The following KCTD10 variants were observed in gnomAD, a reference collection of about 807,000 sequenced individuals.
KCTD10 encodes BTB/POZ domain-containing adapter for CUL3-mediated RhoA degradation protein 3.
Under a neutral mutation model 34.6 loss-of-function variants are expected in KCTD10, and 13 were observed. That is an observed-to-expected ratio of 0.38 (90% CI 0.24 to 0.60). The LOEUF is 0.60. KCTD10 is among the 20% of genes least tolerant of loss of function. KCTD10 has a pLI of 0.66. For missense variants in KCTD10, 256 were observed against 420.3 expected, an observed-to-expected ratio of 0.61 and a Z score of 3.42; for synonymous variants, 156 against 168.8, an observed-to-expected ratio of 0.92 and a Z score of 0.59.
chr12:109,458,228 G>C (rs1323060584), intron 3 of KCTD10, 150 bp from the exon 4 acceptor site: 1 of 617,116 alleles, frequency 1.6e-6, no homozygotes, highest in Non-Finnish European at 2.9e-6. Context: ...ACTAGATGGG[G>C]GAAGACAGGG....
intron 2 of KCTD10, among the ~76,000 whole-genome samples, chr12:109,468,209 C>T (rs1356561772): frequency 6.6e-6 from 1 of 152,168 alleles, no homozygotes; most frequent in Non-Finnish European, 1.5e-5. Context: ...CCGGAGTTCA[C>T]AGGAAGCAGA....
chr12:109,457,818 G>A (rs1257508312), intron 4 of KCTD10, 136 bp from the exon 5 acceptor site: 2 of 1,079,080 alleles, frequency 1.9e-6, no homozygotes, highest in Non-Finnish European at 2.8e-6. Context: ...CTGGAGAGGG[G>A]GACCACATGA....
chr12:109,474,514 G>A (rs1238802788), intron 1 of KCTD10, among the ~76,000 whole-genome samples: 2 of 152,084 alleles, frequency 1.3e-5, no homozygotes, highest in Non-Finnish European at 2.9e-5. Flanking sequence ...TGAAAATTCT[G>A]ATGTAATTGG....
At chr12:109,474,043 A>G (rs1874026073) in intron 1 of KCTD10, among the ~76,000 whole-genome samples, 1 of 151,992 alleles carries the variant, frequency 6.6e-6, no homozygotes, top group Non-Finnish European at 1.5e-5. Flanking sequence ...GGCATCCCAA[A>G]GTGCTCGGAT....
intron 2 of KCTD10, among the ~76,000 whole-genome samples, chr12:109,467,417 C>T (rs61941585): frequency 0.13 from 19,264 of 152,016 alleles, 1,497 homozygotes; most frequent in Non-Finnish European, 0.18. Flanking sequence ...CCCAGGAGTT[C>T]GAGGCCAGCC....
At chr12:109,472,050 T>A (rs183235402) in intron 1 of KCTD10, among the ~76,000 whole-genome samples, 1 of 152,202 alleles carries the variant, frequency 6.6e-6, no homozygotes, top group Admixed American at 6.5e-5. Context: ...AGGACATTAC[T>A]GTACACTACT....
intron 2 of KCTD10, among the ~76,000 whole-genome samples, chr12:109,461,410 C>T (rs950634501): frequency 1.3e-5 from 2 of 152,202 alleles, no homozygotes; most frequent in Non-Finnish European, 2.9e-5. Context: ...AGACAGACCC[C>T]ACCCTCAGGC....
At position 109,451,859 on chromosome 12, in the gene KCTD10, C is replaced by G; in HGVS notation, c.724-46G>C. 6.6e-7 allele frequency: 1 copy of G among 1,524,744 alleles called. No homozygotes were observed. The highest frequency in any genetic ancestry group is 1.9e-5 in the Admixed American group (1 of 53,006). The allele number at this position is 1,524,744 out of a possible 1,614,324, so 94.5% of individuals were successfully genotyped here. A position where few individuals can be genotyped will look rare whatever the true frequency, so the allele number is the denominator to read the frequency against. ...GGGCAGGTAAGTTATGGCCCACCCC[C>G]TCTGCCAACACCTGGACTTTAAGCA... On this transcript the variant is annotated intron_variant, in intron 6 of 6. Coordinates refer to ENST00000228495, the MANE Select transcript of KCTD10 (RefSeq NM_031954.5). This position sits in a 1 kb window ranked among gnomAD's most constrained non-coding sequence, Gnocchi z 5.0.
At chr12:109,458,197 A>G (rs12822891) in intron 3 of KCTD10, 119 bp from the exon 4 acceptor site, 119,942 of 708,472 alleles carry the variant, frequency 0.17, 10,462 homozygotes, top group African/African-American at 0.19. Context: ...GGGAAGAGAG[A>G]AGGATTCTCA....
At chr12:109,452,086 A>G (rs967999832) in intron 6 of KCTD10, among the ~76,000 whole-genome samples, 2 of 152,172 alleles carry the variant, frequency 1.3e-5, no homozygotes, top group Non-Finnish European at 2.9e-5. Flanking sequence ...CCTCTCAAAG[A>G]TTCTGTGCAT....
At chr12:109,468,051 C>A (rs372732204) in intron 2 of KCTD10, among the ~76,000 whole-genome samples, 1 of 152,166 alleles carries the variant, frequency 6.6e-6, no homozygotes, top group African/African-American at 2.4e-5. Flanking sequence ...CCTCCAGCAG[C>A]GGGGGTGCTA....
intron 6 of KCTD10, among the ~76,000 whole-genome samples, chr12:109,455,300 T>C (rs1012442300): frequency 3.3e-5 from 5 of 151,836 alleles, no homozygotes; most frequent in African/African-American, 9.7e-5. Context: ...TGAGTGAGAG[T>C]GCCCAAGCTG....
At chr12:109,461,195 T>TA (rs1324987863) in intron 2 of KCTD10, among the ~76,000 whole-genome samples, 1 of 152,052 alleles carries the variant, frequency 6.6e-6, no homozygotes, top group Non-Finnish European at 1.5e-5. Context: ...GCCTTCTGGG[T>TA]AAAAAATATC....
intron 3 of KCTD10, 172 bp from the exon 4 acceptor site, chr12:109,458,250 C>T (rs1195561473): frequency 3.4e-6 from 2 of 595,678 alleles, no homozygotes; most frequent in African/African-American, 3.7e-5. Flanking sequence ...GTTGAATTTC[C>T]CAGTAAGTCT....
In KCTD10 at chr12:109,460,435, A is replaced by AGTAGTTAG; in HGVS notation, c.387+193_387+200dup. On this transcript the variant is annotated intron_variant, in intron 3 of 6. Transcript: ENST00000228495. The surrounding 1 kb of genome is among the most constrained non-coding windows in gnomAD (Gnocchi z 4.5). ...AGCATGGGGCTGCAAGGAGTGACACAGTAGTTAGGTGGCCTGCTGTTCCAG... is the reference window on the plus strand; with the variant it reads ...AGCATGGGGCTGCAAGGAGTGACACAGTAGTTAGGTAGTTAGGTGGCCTGCTGTTCCAG... 1 of 582,486 alleles carries AGTAGTTAG rather than the reference A, an allele frequency of 1.7e-6. No homozygotes were observed. Among genetic ancestry groups the AGTAGTTAG allele is most frequent in the Non-Finnish European group, 3.1e-6 (1 of 326,764 alleles). 36.1% of individuals were successfully genotyped at this position (582,486 alleles called of 1,614,324 possible).
chr12:109,471,128 A>G, intron 1 of KCTD10: 1 of 985,470 alleles, frequency 1.0e-6, no homozygotes, highest in Non-Finnish European at 1.2e-6. Context: ...CTATTCCCTG[A>G]AACTGAAAAA....
chr12:109,461,165 C>T (rs922100557), intron 2 of KCTD10, among the ~76,000 whole-genome samples: 3 of 152,254 alleles, frequency 2.0e-5, no homozygotes, highest in African/African-American at 7.2e-5. Context: ...CAAATGGCCA[C>T]ATACCAAGGA....
At chr12:109,465,048 T>C (rs1335641217) in intron 2 of KCTD10, among the ~76,000 whole-genome samples, 1 of 152,188 alleles carries the variant, frequency 6.6e-6, no homozygotes, top group Non-Finnish European at 1.5e-5. Flanking sequence ...AGTGAAAATA[T>C]GATTGTCTAC....
intron 1 of KCTD10, chr12:109,470,993 T>G: frequency 7.3e-6 from 3 of 413,718 alleles, no homozygotes; most frequent in South Asian, 1.0e-4. Flanking sequence ...AGCCCTTCTC[T>G]GAGATGTCCC....
Sources: gnomAD v4.1 joint callset for allele counts (sites outside exome capture counted in the v4.1 genomes callset) on GRCh38, gnomAD v4.1.1 for gene constraint, Gnocchi (gnomAD v3.1) non-coding constraint, MANE v1.5 for transcripts, NCBI Gene and HGNC (gene_info 2026-07-23, HGNC 2026-07-21) for gene names.